Variants in POU6F2 observed in about 807,000 individuals in gnomAD.
The protein encoded by POU6F2 is POU class 6 homeobox 2, also known as POU domain, class 6, transcription factor 2.
In POU6F2, 31 loss-of-function variants were observed where a neutral mutation model predicts 71.3. The observed-to-expected ratio is 0.43, with a 90% CI of 0.33 to 0.59. POU6F2 has a LOEUF of 0.59. POU6F2 is among the 20% of genes least tolerant of loss of function. POU6F2 has a pLI of 0.04. For missense variants in POU6F2, 783 were observed against 856.8 expected, an observed-to-expected ratio of 0.91 and a Z score of 1.07; for synonymous variants, 347 against 355.7, an observed-to-expected ratio of 0.98 and a Z score of 0.27.
At chr7:39,125,945 C>T (rs985464684) in intron 2 of POU6F2, among the ~76,000 whole-genome samples, 13 of 152,146 alleles carry the variant, frequency 8.5e-5, no homozygotes, top group African/African-American at 3.1e-4. Context: ...CCTTAAGGAC[C>T]AAAGACTCCC....
At chr7:39,239,274 T>G (rs1461008377) in intron 4 of POU6F2, among the ~76,000 whole-genome samples, 1 of 152,118 alleles carries the variant, frequency 6.6e-6, no homozygotes, top group African/African-American at 2.4e-5. Context: ...GTTTCCTCAA[T>G]GTAGAATGGC....
chr7:39,215,305 A>G (rs576862018), intron 4 of POU6F2, among the ~76,000 whole-genome samples: 1 of 152,316 alleles, frequency 6.6e-6, no homozygotes, highest in Non-Finnish European at 1.5e-5. Flanking sequence ...AGATCACGCC[A>G]CTGGACTCCA....
chr7:39,342,281 A>T (rs189241104), intron 5 of POU6F2, among the ~76,000 whole-genome samples: 14 of 152,326 alleles, frequency 9.2e-5, no homozygotes, highest in East Asian at 1.9e-4. Context: ...GTTTAAAAAA[A>T]ATTTTTACAC....
intron 1 of POU6F2, chr7:39,085,042 G>A (rs1791207546): frequency 6.6e-6 from 1 of 152,144 alleles, no homozygotes. Context: ...GGGAAAGTTT[G>A]TCTTTTCTGA....
chr7:38,987,576 AT>A (rs1788493818), intron 1 of POU6F2, among the ~76,000 whole-genome samples: 2 of 152,254 alleles, frequency 1.3e-5, no homozygotes, highest in South Asian at 4.1e-4. Context: ...ACCCTGATTC[AT>A]AAGTTAAATA....
intron 4 of POU6F2, among the ~76,000 whole-genome samples, chr7:39,302,001 G>T (rs1162474300): frequency 2.0e-5 from 3 of 152,060 alleles, no homozygotes; most frequent in Non-Finnish European, 4.4e-5. Flanking sequence ...AGATGTGCCA[G>T]CTCTGTGCCA....
At chr7:39,416,387 A>C (rs1405584966) in intron 6 of POU6F2, among the ~76,000 whole-genome samples, 1 of 152,176 alleles carries the variant, frequency 6.6e-6, no homozygotes, top group Admixed American at 6.5e-5. Context: ...AAAGAAATGC[A>C]TGGTGAGTGC....
chr7:39,023,688 A>G (rs1261111135), intron 1 of POU6F2, among the ~76,000 whole-genome samples: 3 of 152,076 alleles, frequency 2.0e-5, no homozygotes, highest in African/African-American at 7.2e-5. Flanking sequence ...CATCTAATTT[A>G]TACATTTGTA....
chr7:39,018,322 T>G (rs909785508), intron 1 of POU6F2, among the ~76,000 whole-genome samples: 2 of 152,166 alleles, frequency 1.3e-5, no homozygotes, highest in Non-Finnish European at 2.9e-5. Context: ...TAGGGAATGA[T>G]TCTGATTGGT....
At chr7:39,073,342 A>G (rs1374293705) in intron 1 of POU6F2, among the ~76,000 whole-genome samples, 1 of 151,372 alleles carries the variant, frequency 6.6e-6, no homozygotes, top group East Asian at 1.9e-4. Context: ...AATAGGAGCT[A>G]ATACAGATAG....
At chr7:39,188,674 A>G (rs1405521951) in intron 2 of POU6F2, among the ~76,000 whole-genome samples, 2 of 152,206 alleles carry the variant, frequency 1.3e-5, no homozygotes, top group African/African-American at 2.4e-5. Context: ...GATTATGTGA[A>G]TGATCTTCCT....
chr7:38,978,668 C>T (rs1309804814), intron 1 of POU6F2, among the ~76,000 whole-genome samples: 1 of 152,124 alleles, frequency 6.6e-6, no homozygotes, highest in Non-Finnish European at 1.5e-5. Context: ...GTGGTCTGCT[C>T]GCGCTTCCTA....
At chr7:39,174,673 G>T (rs1793292850) in intron 2 of POU6F2, among the ~76,000 whole-genome samples, 1 of 151,686 alleles carries the variant, frequency 6.6e-6, no homozygotes, top group South Asian at 2.1e-4. Context: ...TCACTCACCT[G>T]ATCTCCTCAG....
chr7:39,026,012 C>T (rs1462002165), intron 1 of POU6F2, among the ~76,000 whole-genome samples: 6 of 152,212 alleles, frequency 3.9e-5, no homozygotes, highest in Non-Finnish European at 8.8e-5. Context: ...CTCATCATCA[C>T]TGGCCATCAG....
intron 1 of POU6F2, among the ~76,000 whole-genome samples, chr7:39,059,083 A>T (rs1377232839): frequency 6.6e-6 from 1 of 152,196 alleles, no homozygotes; most frequent in Non-Finnish European, 1.5e-5. Flanking sequence ...GCTTTTATAC[A>T]ATATCTTTTT....
At chr7:39,040,801 T>C (rs903643055) in intron 1 of POU6F2, among the ~76,000 whole-genome samples, 33 of 152,040 alleles carry the variant, frequency 2.2e-4, no homozygotes, top group African/African-American at 7.7e-4. Flanking sequence ...TACAACATGG[T>C]ACTTTGCCTC....
At chr7:38,984,501 T>C (rs570549050) in intron 1 of POU6F2, 1 of 152,154 alleles carries the variant, frequency 6.6e-6, no homozygotes, top group African/African-American at 2.4e-5. Flanking sequence ...TTCTAAGTTA[T>C]TTTGTAAGCT....
At chr7:39,337,367 T>C (rs1785800579) in intron 4 of POU6F2, among the ~76,000 whole-genome samples, 1 of 152,202 alleles carries the variant, frequency 6.6e-6, no homozygotes, top group African/African-American at 2.4e-5. Context: ...ACATTTAACA[T>C]TGGCCTATGT....
At chr7:39,393,115 G>A (rs540961144) in intron 5 of POU6F2, among the ~76,000 whole-genome samples, 5 of 152,040 alleles carry the variant, frequency 3.3e-5, no homozygotes, top group Admixed American at 1.3e-4. Context: ...CTTGGCTTAC[G>A]GCTTCTACAG....
Sources: gnomAD v4.1 joint callset for allele counts (sites outside exome capture counted in the v4.1 genomes callset) on GRCh38, gnomAD v4.1.1 for gene constraint, MANE v1.5 for transcripts, NCBI Gene and HGNC (gene_info 2026-07-23, HGNC 2026-07-21) for gene names.